Variants in GALK2 observed in about 807,000 individuals in gnomAD.
GALK2 encodes the protein galactokinase 2, also known as N-acetylgalactosamine kinase.
GALK2 carries 36 observed loss-of-function variants against 52.4 expected under a neutral mutation model. The ratio of observed to expected loss-of-function variants is 0.69; its 90% CI spans 0.53 to 0.91. The LOEUF (loss-of-function observed/expected upper bound fraction) is 0.91. Ranked by LOEUF, GALK2 falls within the 40% of genes least tolerant of loss-of-function variation. The pLI is 0.00. For missense variants in GALK2, 579 were observed against 559.1 expected, an observed-to-expected ratio of 1.04 and a Z score of -0.36; for synonymous variants, 176 against 199.1, an observed-to-expected ratio of 0.88 and a Z score of 0.98.
At chr15:49,279,237 A>C (rs1344218625) in intron 5 of GALK2, among the ~76,000 whole-genome samples, 1 of 152,246 alleles carries the variant, frequency 6.6e-6, no homozygotes, top group Non-Finnish European at 1.5e-5. Context: ...GTGCTCAATA[A>C]ACCTTAACTA....
chr15:49,218,753 T>C (rs1391346117), intron 3 of GALK2, among the ~76,000 whole-genome samples: 3 of 152,248 alleles, frequency 2.0e-5, no homozygotes, highest in African/African-American at 7.2e-5. Flanking sequence ...TACAAATATT[T>C]ATGTACGAAT....
chr15:49,354,742 C>T (rs2042829927), intron 3 of GALK2, among the ~76,000 whole-genome samples: 1 of 152,176 alleles, frequency 6.6e-6, no homozygotes. Context: ...CCCACCACAG[C>T]TCAAGGAGGC....
At chr15:49,367,677 T>C in exon 4 of GALK2, 2 of 1,349,252 alleles carry the variant, frequency 1.5e-6, no homozygotes, top group East Asian at 2.6e-5. Context: ...GAATAAAATA[T>C]AACTTCATAT....
chr15:49,360,296 T>A (rs146822024), intron 3 of GALK2, among the ~76,000 whole-genome samples: 1 of 152,120 alleles, frequency 6.6e-6, no homozygotes, highest in Non-Finnish European at 1.5e-5. Context: ...GTGTTTATAG[T>A]AACATTGTAC....
At position 49,283,648 on chromosome 15, in the gene GALK2, G is replaced by A. The variant is rs776195272; in HGVS notation, c.686G>A (p.Cys229Tyr). Residue 229 changes from cysteine (C) to tyrosine (Y), a missense_variant, in exon 7 of 10, where the codon TGT (cysteine) becomes TAT (tyrosine). Coordinates refer to ENST00000560031, the MANE Select transcript of GALK2 (RefSeq NM_002044.4). ...GCAGTGTTTGTGATTGCCAACAGTT[G>A]TGTGGAGATGAATAAGGCAGCAACT... is the stretch of plus-strand genomic sequence containing the variant. Reference protein sequence around the residue: ...SGAVFVIANSCVEMNKAATSH... With the variant: ...SGAVFVIANSYVEMNKAATSH... 7 of 1,613,978 alleles carry A rather than the reference G, an allele frequency of 4.3e-6. No homozygotes were observed. The Admixed American group carries it at 8.3e-5, about 19-fold the overall frequency.
chr15:49,158,757 C>T (rs1295125830), intron 1 of GALK2: 3 of 152,202 alleles, frequency 2.0e-5, no homozygotes, highest in African/African-American at 7.2e-5. Context: ...CGTGACTCCA[C>T]AAATGGTTAT....
chr15:49,258,794 A>ATATGTG (rs1555416748), intron 5 of GALK2, among the ~76,000 whole-genome samples: 1 of 103,736 alleles, frequency 9.6e-6, no homozygotes, highest in Non-Finnish European at 2.0e-5. Flanking sequence ...ATATATATAT[A>ATATGTG]TGTGTGTGTG....
rs931717708 is a variant in GALK2 at position 49,264,083 on chromosome 15, G to A, written c.505-17904G>A. Among the ~76,000 whole-genome samples the A allele has an allele frequency of 1.5e-4, 23 of 151,716 alleles. 1 individual carries two copies. Among genetic ancestry groups the A allele is most frequent in the East Asian group, 1.2e-3 (6 of 5,156 alleles). On this transcript the variant is annotated intron_variant, in intron 5 of 9. Transcript: ENST00000560031. Reference sequence around the variant, plus strand: ...TCTTCTCGAGGAGTATCTTTGTGGCGTTCTCTGGATTTCCTGAATCTGAAC... The same window carrying A: ...TCTTCTCGAGGAGTATCTTTGTGGCATTCTCTGGATTTCCTGAATCTGAAC...
At chr15:49,333,974 G>A (rs75300926), downstream of GALK2, among the ~76,000 whole-genome samples, 3,385 of 152,268 alleles carry the variant, frequency 0.022, 102 homozygotes, top group South Asian at 0.077. Flanking sequence ...CATAGGATGG[G>A]GAAGGCTTAT....
intron 3 of GALK2, among the ~76,000 whole-genome samples, chr15:49,348,565 T>C (rs2041847456): frequency 6.6e-6 from 1 of 152,194 alleles, no homozygotes; most frequent in Non-Finnish European, 1.5e-5. Flanking sequence ...CCTCACAGAA[T>C]CACTCGGAGC....
intron 1 of GALK2, among the ~76,000 whole-genome samples, chr15:49,199,494 G>C (rs1433203914): frequency 6.6e-6 from 1 of 152,098 alleles, no homozygotes; most frequent in Non-Finnish European, 1.5e-5. Flanking sequence ...GCAATCTTTT[G>C]TTCTCATCCA....
intron 1 of GALK2, among the ~76,000 whole-genome samples, chr15:49,161,150 T>C (rs1398832934): frequency 6.6e-6 from 1 of 152,232 alleles, no homozygotes; most frequent in East Asian, 1.9e-4. Context: ...CTTTTAAATG[T>C]AATGCCTTAT....
chr15:49,352,071 A>G (rs577782642), intron 3 of GALK2, among the ~76,000 whole-genome samples: 2 of 152,212 alleles, frequency 1.3e-5, no homozygotes, highest in South Asian at 4.2e-4. Context: ...TTCCTCATTT[A>G]TGTGTCTGGG....
chr15:49,217,932 G>A (rs1335497306), intron 3 of GALK2, among the ~76,000 whole-genome samples: 4 of 152,276 alleles, frequency 2.6e-5, no homozygotes, highest in Non-Finnish European at 2.9e-5. Context: ...TGTCTATTTA[G>A]AATTGAAGAT....
intron 1 of GALK2, among the ~76,000 whole-genome samples, chr15:49,200,844 C>T (rs2087691373): frequency 6.6e-6 from 1 of 152,156 alleles, no homozygotes. Flanking sequence ...AAAAAGTATA[C>T]AGAAACTACA....
downstream of GALK2, among the ~76,000 whole-genome samples, chr15:49,332,090 CA>C (rs201411829): frequency 0.35 from 21,351 of 60,366 alleles, 2,033 homozygotes; most frequent in South Asian, 0.41. Flanking sequence ...ACACGTGCCA[CA>C]CACACACACA....
chr15:49,168,799 T>A (rs1409367113), upstream of GALK2, among the ~76,000 whole-genome samples: 1 of 152,002 alleles, frequency 6.6e-6, no homozygotes, highest in African/African-American at 2.4e-5. Context: ...AAAATTTAGG[T>A]TATCTCCCTA....
chr15:49,173,707 T>G (rs547779957), intron 1 of GALK2, among the ~76,000 whole-genome samples: 1 of 152,222 alleles, frequency 6.6e-6, no homozygotes, highest in Non-Finnish European at 1.5e-5. Context: ...CTCAGATATC[T>G]GGTATATCAG....
intron 5 of GALK2, among the ~76,000 whole-genome samples, chr15:49,244,680 A>G (rs997235604): frequency 6.6e-6 from 1 of 152,222 alleles, no homozygotes; most frequent in Non-Finnish European, 1.5e-5. Context: ...GAACTAGGAA[A>G]TGAGAAATCC....
Sources: allele counts gnomAD v4.1 joint callset (sites outside exome capture counted in the v4.1 genomes callset), GRCh38; gene constraint gnomAD v4.1.1; transcripts MANE v1.5; gene names NCBI Gene and HGNC (gene_info 2026-07-23, HGNC 2026-07-21).